The following SEMA4F variants were observed in gnomAD, a reference collection of about 807,000 sequenced individuals.
SEMA4F encodes ssemaphorin 4F.
SEMA4F carries 51 observed loss-of-function variants against 78.4 expected under a neutral mutation model. That is an observed-to-expected ratio of 0.65 (90% CI 0.52 to 0.82). The LOEUF (loss-of-function observed/expected upper bound fraction) is 0.82, where lower values mean the gene tolerates loss of function less well. Ranked by LOEUF, SEMA4F falls within the 40% of genes least tolerant of loss-of-function variation. The pLI is 0.00. For synonymous variants in SEMA4F, 418 were observed against 408.7 expected (o/e 1.02, Z -0.27); for missense variants, 938 against 1,014.4 (o/e 0.92, Z 1.02).
At position 74,680,200 on chromosome 2, in the gene SEMA4F, A is replaced by G. The variant is rs771376324; in HGVS notation, c.2304A>G (p.Thr768=). The G allele has an allele frequency of 1.9e-6, 3 of 1,572,364 alleles. No homozygotes were observed. The highest frequency in any genetic ancestry group is 1.7e-5 in the Admixed American group (1 of 57,372). The change falls in exon 14 of 14, where the codon ACA becomes ACG. Residue 768 remains threonine (T), a synonymous_variant. Transcript: ENST00000357877. ...CTCCTCTAGCCACATGTGATGAAAC[A>G]TCCATCTAGAGCTGGGCAAATGACC... ...TGAPLATCDE[T]SI
In SEMA4F at chr2:74,683,448, G is replaced by A. The variant is rs1685727395; in HGVS notation, c.*3239G>A. 6.6e-6 allele frequency: 1 copy of A among 152,280 alleles called. No homozygotes were observed. The highest frequency in any genetic ancestry group is 2.4e-5 in the African/African-American group (1 of 41,462). 9.4% of individuals were successfully genotyped at this position (152,280 alleles called of 1,614,324 possible). Reference sequence around the variant, plus strand: ...GCAGAAGTGGCTTTCCCCGAGGTGAGGACGGGGATGGGAGTTTTTTCTTTT... The same window carrying A: ...GCAGAAGTGGCTTTCCCCGAGGTGAAGACGGGGATGGGAGTTTTTTCTTTT... On this transcript the variant is annotated 3_prime_UTR_variant, in exon 14 of 14. Transcript: ENST00000357877.
intron 5 of SEMA4F, among the ~76,000 whole-genome samples, chr2:74,666,253 C>G (rs753836172): frequency 2.0e-4 from 31 of 152,248 alleles, no homozygotes; most frequent in Admixed American, 3.3e-4. Context: ...AGTAATTTCT[C>G]TTTATTAGGT....
the SEMA4F span, among the ~76,000 whole-genome samples, chr2:74,700,952 T>G: frequency 6.6e-6 from 1 of 152,222 alleles, no homozygotes; most frequent in Non-Finnish European, 1.5e-5. Context: ...TACCCCAGTG[T>G]CATTCTAGTA....
intron 5 of SEMA4F, among the ~76,000 whole-genome samples, chr2:74,665,340 C>T (rs1312661989): frequency 6.6e-6 from 1 of 151,408 alleles, no homozygotes; most frequent in African/African-American, 2.4e-5. Context: ...CACCATTCTC[C>T]TGCCTCAGCC....
intron 4 of SEMA4F, 33 bp downstream of exon 4, chr2:74,657,984 T>C: frequency 8.8e-6 from 14 of 1,585,122 alleles, no homozygotes; most frequent in Non-Finnish European, 1.2e-5. Flanking sequence ...AGGGAGAGGG[T>C]GCCTGCACCA....
the SEMA4F span, among the ~76,000 whole-genome samples, chr2:74,700,113 T>G: frequency 2.7e-5 from 4 of 150,430 alleles, no homozygotes; most frequent in African/African-American, 9.8e-5. Flanking sequence ...GGAAGAGCGT[T>G]GGGGGCATGA....
chr2:74,656,607 C>T lies in SEMA4F; in HGVS notation c.219C>T (p.Ala73=), dbSNP rs1684151898. 1 of 1,614,192 alleles carries T rather than the reference C, an allele frequency of 6.2e-7. No homozygotes were observed. The highest frequency in any genetic ancestry group is 8.5e-7 in the Non-Finnish European group (1 of 1,180,024). Residue 73 remains alanine (A), a synonymous_variant, in exon 2 of 14, where the codon GCC becomes GCT. Coordinates refer to ENST00000357877, the MANE Select transcript of SEMA4F (RefSeq NM_004263.5). ...YNYSVLLVDP[A]SHTLYVGARD... ...ACTCTGTTCTCCTTGTGGATCCTGC[C>T]TCCCACACACTTTATGTTGGCGCCC...
the SEMA4F span, among the ~76,000 whole-genome samples, chr2:74,692,031 G>A: frequency 6.6e-6 from 1 of 152,192 alleles, no homozygotes; most frequent in Non-Finnish European, 1.5e-5. Context: ...TGGGCCAGGA[G>A]GGAAGCTGGT....
At chr2:74,705,162 G>A in the SEMA4F span, among the ~76,000 whole-genome samples, 7 of 152,142 alleles carry the variant, frequency 4.6e-5, no homozygotes, top group Non-Finnish European at 1.0e-4. Flanking sequence ...CCATGGCAAA[G>A]GCAAGCAAAG....
the SEMA4F span, among the ~76,000 whole-genome samples, chr2:74,695,251 C>T: frequency 6.6e-5 from 10 of 152,174 alleles, no homozygotes; most frequent in Non-Finnish European, 1.5e-5. Flanking sequence ...GGAGCAGACT[C>T]AATTGCAGAG....
intron 5 of SEMA4F, among the ~76,000 whole-genome samples, chr2:74,670,702 A>G (rs1684940843): frequency 6.6e-6 from 1 of 152,222 alleles, no homozygotes. Flanking sequence ...GTTTTAGAGC[A>G]TTTAATGTGT....
intron 12 of SEMA4F, among the ~76,000 whole-genome samples, chr2:74,676,207 C>T (rs1406926115): frequency 6.6e-6 from 1 of 152,198 alleles, no homozygotes; most frequent in Non-Finnish European, 1.5e-5. Context: ...GAAGTGTTTT[C>T]ACAGTTGTCC....
At chr2:74,704,542 T>C in the SEMA4F span, among the ~76,000 whole-genome samples, 1 of 151,936 alleles carries the variant, frequency 6.6e-6, no homozygotes, top group South Asian at 2.1e-4. Context: ...AATTAGATAA[T>C]GCATGTAGAG....
intron 4 of SEMA4F, among the ~76,000 whole-genome samples, chr2:74,659,779 C>T (rs1684337068): frequency 2.0e-5 from 3 of 152,204 alleles, no homozygotes; most frequent in African/African-American, 7.2e-5. Context: ...TGCTGAACCT[C>T]TCATGTCCTA....
chr2:74,705,805 ATCC>A, the SEMA4F span, among the ~76,000 whole-genome samples: 1 of 152,060 alleles, frequency 6.6e-6, no homozygotes, highest in African/African-American at 2.4e-5. Context: ...GTCTCAGGCA[ATCC>A]TCCTGCCTCA....
the SEMA4F span, among the ~76,000 whole-genome samples, chr2:74,698,212 C>G: frequency 6.6e-6 from 1 of 152,116 alleles, no homozygotes; most frequent in Non-Finnish European, 1.5e-5. Context: ...ATCATGAATT[C>G]AAAGGGACTA....
chr2:74,668,816 G>A (rs1255971318), intron 5 of SEMA4F, among the ~76,000 whole-genome samples: 1 of 150,966 alleles, frequency 6.6e-6, no homozygotes, highest in African/African-American at 2.4e-5. Flanking sequence ...TTTTAGCAGA[G>A]ACGGGGTTTT....
At chr2:74,656,724 C>T (rs768546093) in intron 2 of SEMA4F, 39 bp downstream of exon 2, 103 of 1,601,918 alleles carry the variant, frequency 6.4e-5, no homozygotes, top group Non-Finnish European at 8.3e-5. Context: ...GACCCTGTAG[C>T]ATGTGATTAA....
At position 74,680,157 on chromosome 2, in the gene SEMA4F, A is replaced by G. The variant is rs1311096325; in HGVS notation, c.2261A>G (p.His754Arg). The G allele has an allele frequency of 3.7e-6, 6 of 1,600,474 alleles. No homozygotes were observed. Among genetic ancestry groups the G allele is most frequent in the Non-Finnish European group, 5.1e-6 (6 of 1,169,818 alleles). Reference protein sequence around the residue: ...FLLDPCPSPAHIRLTGAPLAT... With the variant: ...FLLDPCPSPARIRLTGAPLAT... ...CTTGATCCTTGCCCAAGCCCAGCCC[A>G]CATTCGGCTAACTGGGGCTCCTCTA... is the stretch of plus-strand genomic sequence containing the variant. The change falls in exon 14 of 14, where the codon CAC (histidine) becomes CGC (arginine). Residue 754 changes from histidine to arginine, a missense_variant. Physicochemically the swap from His to Arg is conservative, Grantham distance 29 (BLOSUM62 0). Coordinates refer to ENST00000357877, the MANE Select transcript of SEMA4F (RefSeq NM_004263.5).
Sources: gnomAD v4.1 joint callset for allele counts (sites outside exome capture counted in the v4.1 genomes callset) on GRCh38, gnomAD v4.1.1 for gene constraint, MANE v1.5 for transcripts, NCBI Gene and HGNC (gene_info 2026-07-23, HGNC 2026-07-21) for gene names.